The following OIT3 variants were observed in gnomAD, a reference collection of about 807,000 sequenced individuals.
OIT3 encodes oncoprotein induced transcript 3.
OIT3 carries 41 observed loss-of-function variants against 52.2 expected under a neutral mutation model. The ratio of observed to expected loss-of-function variants is 0.79; its 90% CI spans 0.61 to 1.02. The LOEUF is 1.02. Among genes scored for constraint, OIT3 ranks in the 50% least tolerant of loss-of-function variants. The pLI, the probability that OIT3 is intolerant of heterozygous loss-of-function variation, is 0.00. For missense variants in OIT3, 634 were observed against 715.5 expected, an observed-to-expected ratio of 0.89 and a Z score of 1.30; for synonymous variants, 244 against 276.9, an observed-to-expected ratio of 0.88 and a Z score of 1.18.
chr10:72,899,995 A>G (rs1180308207), intron 2 of OIT3, among the ~76,000 whole-genome samples: 1 of 152,240 alleles, frequency 6.6e-6, no homozygotes, highest in African/African-American at 2.4e-5. Context: ...CAGAAACTCT[A>G]TGGCCACTCA....
At chr10:72,895,126 G>A (rs2132919173) in intron 1 of OIT3, among the ~76,000 whole-genome samples, 1 of 152,278 alleles carries the variant, frequency 6.6e-6, no homozygotes, top group African/African-American at 2.4e-5. Flanking sequence ...GGGAAACTGG[G>A]TGTGGGGTAT....
chr10:72,907,914 G>T (rs1160122862), intron 4 of OIT3, among the ~76,000 whole-genome samples: 1 of 151,958 alleles, frequency 6.6e-6, no homozygotes, highest in Non-Finnish European at 1.5e-5. Context: ...CCTTCTCTAA[G>T]GCACATTTAC....
chr10:72,917,884 C>G (rs1275735346), intron 6 of OIT3: 1 of 1,249,048 alleles, frequency 8.0e-7, no homozygotes, highest in Admixed American at 1.7e-5. Flanking sequence ...GGTTTTGAGT[C>G]TTTTCCATTC....
At chr10:72,905,171 G>C (rs1845967681) in intron 3 of OIT3, among the ~76,000 whole-genome samples, 1 of 152,072 alleles carries the variant, frequency 6.6e-6, no homozygotes, top group Admixed American at 6.6e-5. Context: ...CCAACATCGA[G>C]ATCAAATCTC....
chr10:72,927,250 G>A (rs375706386), intron 7 of OIT3, among the ~76,000 whole-genome samples: 8 of 151,906 alleles, frequency 5.3e-5, no homozygotes, highest in Admixed American at 3.9e-4. Context: ...AGCAAGTCTC[G>A]TGCCTCAGCC....
rs550521373 is a variant in OIT3, at chr10:72,895,020, G to A, written c.61+1161G>A. On this transcript the variant is annotated intron_variant, in intron 1 of 8. Coordinates refer to ENST00000334011, the MANE Select transcript of OIT3 (RefSeq NM_152635.3). ...GGAATCTGAATAAGTGTGGACTTGA[G>A]TTAATAATCAGGTATCAATAGTGGG... 3.3e-5 allele frequency among the ~76,000 whole-genome samples: 5 copies of A among 152,324 alleles called. No individual in the cohort carries two copies. The South Asian group carries it at 1.0e-3, about 32-fold the overall frequency.
rs367723494 is a variant in OIT3 at position 72,930,177 on chromosome 10, T to C, written c.1368-361T>C. ...CTTCTCAAATCAATACTAAGGTACA[T>C]AGAGGCAGAATTCCTGCAATATATT... On this transcript the variant is annotated intron_variant, in intron 7 of 8. Coordinates refer to ENST00000334011, the MANE Select transcript of OIT3 (RefSeq NM_152635.3). 2.2e-4 allele frequency among the ~76,000 whole-genome samples: 33 copies of C among 152,290 alleles called. No homozygotes were observed. In the South Asian group the frequency reaches 6.8e-3, roughly 32 times the overall value.
At chr10:72,897,283 C>T (rs1445700200) in intron 1 of OIT3, among the ~76,000 whole-genome samples, 2 of 152,202 alleles carry the variant, frequency 1.3e-5, no homozygotes, top group Non-Finnish European at 2.9e-5. Flanking sequence ...CTCGGCCCCC[C>T]AAAGTGCTGG....
At chr10:72,899,291 A>T (rs538883032) in intron 2 of OIT3, among the ~76,000 whole-genome samples, 2 of 152,234 alleles carry the variant, frequency 1.3e-5, no homozygotes, top group African/African-American at 2.4e-5. Flanking sequence ...CCATTCAAAC[A>T]AAACATTAGA....
chr10:72,913,323 A>C lies in OIT3; in HGVS notation c.806A>C (p.Lys269Thr), dbSNP rs1186883966. ...TTCTCTGCAGTCCCTGTGTTGTGCA[A>C]ATCAAATGCCATTGAAGTGAACATC... ...NHTCQVPVLC[K>T]SNAIEVNIPR... Residue 269 changes from lysine to threonine, a missense_variant, in exon 6 of 9, where the codon AAA (lysine) becomes ACA (threonine). Lys to Thr is a moderately conservative substitution (Grantham distance 78). Transcript: ENST00000334011. 1 of 1,608,310 alleles carries C rather than the reference A, an allele frequency of 6.2e-7. No homozygotes were observed. The highest frequency in any genetic ancestry group is 8.5e-7 in the Non-Finnish European group (1 of 1,175,400).
chr10:72,906,496 C>A, intron 3 of OIT3, 100 bp from the exon 4 acceptor site: 1 of 1,296,086 alleles, frequency 7.7e-7, no homozygotes, highest in Non-Finnish European at 1.1e-6. Context: ...GTGGAAGGTG[C>A]ATCAACAGGA....
Position 72,913,413 on chromosome 10 carries a change from A to G in OIT3, c.896A>G (p.Asn299Ser), listed in dbSNP as rs758232118. Residue 299 changes from asparagine (N) to serine (S), a missense_variant, in exon 6 of 9, where the codon AAC becomes AGC. Coordinates refer to ENST00000334011, the MANE Select transcript of OIT3 (RefSeq NM_152635.3). ...LTNTSCRGVSNGTHVNILFSL... is the reference protein window; with the variant it reads ...LTNTSCRGVSSGTHVNILFSL... ...AACACCTCCTGCCGAGGAGTGTCCA[A>G]CGGCACCCATGTCAACATCCTCTTC... The G allele has an allele frequency of 6.2e-6, 10 of 1,613,392 alleles. No individual in the cohort carries two copies. The East Asian group carries it at 1.3e-4, about 22-fold the overall frequency.
intron 6 of OIT3, chr10:72,918,287 TACAG>T (rs1362314879): frequency 1.3e-6 from 1 of 779,640 alleles, no homozygotes; most frequent in Non-Finnish European, 2.3e-6. Context: ...CCGTTGGCTA[TACAG>T]ACATTTTCAA....
At chr10:72,909,858 G>A (rs1274347803) in intron 4 of OIT3, among the ~76,000 whole-genome samples, 1 of 152,058 alleles carries the variant, frequency 6.6e-6, no homozygotes, top group Non-Finnish European at 1.5e-5. Context: ...TGTTGGCCAG[G>A]CTGTTTTGAA....
rs1589524722 is a variant in OIT3, at chr10:72,911,643, C to G, written c.668-74C>G. 3.3e-6 allele frequency: 5 copies of G among 1,527,342 alleles called. No individual in the cohort carries two copies. The East Asian group carries it at 1.1e-4, about 35-fold the overall frequency. 94.6% of individuals were successfully genotyped at this position (1,527,342 alleles called of 1,614,324 possible). A position where few individuals can be genotyped will look rare whatever the true frequency, so the allele number is the denominator to read the frequency against. ...TGCTGCCATAAGTTAAGTATAATCCCTGATGCAAAGTGCCAGAATTCTTGG... is the reference window on the plus strand; with the variant it reads ...TGCTGCCATAAGTTAAGTATAATCCGTGATGCAAAGTGCCAGAATTCTTGG... On this transcript the variant is annotated intron_variant, in intron 4 of 8. Transcript: ENST00000334011.
chr10:72,928,010 A>T (rs1846184243), intron 7 of OIT3, among the ~76,000 whole-genome samples: 1 of 152,108 alleles, frequency 6.6e-6, no homozygotes, highest in South Asian at 2.1e-4. Context: ...AATAATCATA[A>T]TTTGGGGCTA....
Position 72,924,250 on chromosome 10 carries a change from G to T in OIT3, c.973G>T (p.Ala325Ser), listed in dbSNP as rs1467671365. ...TCAGGTGGTGAATGACAAGATTGTG[G>T]CCAGCAACCTCGTGACAGGTCTACC... Reference protein sequence around the residue: ...VVDVVNDKIVASNLVTGLPKQ... With the variant: ...VVDVVNDKIVSSNLVTGLPKQ... The change falls in exon 7 of 9, where the codon GCC (alanine) becomes TCC (serine). Residue 325 changes from alanine to serine, a missense_variant. Physicochemically the swap from Ala to Ser is moderately conservative, Grantham distance 99 (BLOSUM62 1). Coordinates refer to ENST00000334011, the MANE Select transcript of OIT3 (RefSeq NM_152635.3). 2 of 1,599,454 alleles carry T rather than the reference G, an allele frequency of 1.3e-6. No homozygotes were observed. The highest frequency in any genetic ancestry group is 1.7e-6 in the Non-Finnish European group (2 of 1,169,606).
chr10:72,913,026 A>G lies in OIT3; in HGVS notation c.791-282A>G, dbSNP rs113082403. On this transcript the variant is annotated intron_variant, in intron 5 of 8. Transcript: ENST00000334011. ...GTTAATATCTTAGGTGTTTCAGTTCACAGAGTTATGCTGTCTACACTTCGA... is the reference window on the plus strand; with the variant it reads ...GTTAATATCTTAGGTGTTTCAGTTCGCAGAGTTATGCTGTCTACACTTCGA... 3.0e-3 allele frequency among the ~76,000 whole-genome samples: 460 copies of G among 152,314 alleles called. 3 individuals are homozygous for G. The highest frequency in any genetic ancestry group is 0.01 in the African/African-American group (422 of 41,572).
At chr10:72,898,560 G>C in intron 1 of OIT3, 104 bp from the exon 2 acceptor site, 2 of 1,096,264 alleles carry the variant, frequency 1.8e-6, no homozygotes, top group South Asian at 3.3e-5. Context: ...TTTCTCTCTG[G>C]AATTCAAAAA....
Sources: allele counts gnomAD v4.1 joint callset (sites outside exome capture counted in the v4.1 genomes callset), GRCh38; gene constraint gnomAD v4.1.1; transcripts MANE v1.5; gene names NCBI Gene and HGNC (gene_info 2026-07-23, HGNC 2026-07-21).